Variants in CDH4 observed in about 807,000 individuals in gnomAD.
CDH4 encodes cadherin-4.
CDH4 carries 33 observed loss-of-function variants against 86.0 expected under a neutral mutation model. The ratio of observed to expected loss-of-function variants is 0.38; its 90% CI spans 0.29 to 0.51. CDH4 has a LOEUF of 0.51. Ranked by LOEUF, CDH4 falls within the 20% of genes least tolerant of loss-of-function variation. The pLI is 0.86. For synonymous variants in CDH4, 555 were observed against 549.4 expected (o/e 1.01, Z -0.14); for missense variants, 1,114 against 1,307.4 (o/e 0.85, Z 2.28).
Position 61,902,531 on chromosome 20 carries a change from C to T in CDH4, c.1188+7484C>T, listed in dbSNP as rs36106562. Among the ~76,000 whole-genome samples the T allele has an allele frequency of 0.037, 5,688 of 152,356 alleles. 147 individuals are homozygous for T. The highest frequency in any genetic ancestry group is 0.062 in the Non-Finnish European group (4,185 of 68,036). ...GGCCGTTGACACAGGGACAGGCACA[C>T]CTTTTCTTGAATGGTCTGGAGAGTA... On this transcript the variant is annotated intron_variant, in intron 8 of 15. Transcript: ENST00000614565. The surrounding 1 kb of genome is among the most constrained non-coding windows in gnomAD (Gnocchi z 4.6).
chr20:61,571,100 C>A (rs993246624), intron 2 of CDH4, among the ~76,000 whole-genome samples: 1 of 152,164 alleles, frequency 6.6e-6, no homozygotes, highest in East Asian at 1.9e-4. Context: ...GTTTCTCCCC[C>A]ACATCCTCGG....
chr20:61,797,370 C>T (rs1052643784), intron 4 of CDH4, among the ~76,000 whole-genome samples: 2 of 152,148 alleles, frequency 1.3e-5, no homozygotes, highest in Non-Finnish European at 2.9e-5. Flanking sequence ...AACTGCACAG[C>T]GGGGAGGTAA....
At chr20:61,396,091 G>A (rs563310140) in intron 2 of CDH4, among the ~76,000 whole-genome samples, 18 of 152,264 alleles carry the variant, frequency 1.2e-4, no homozygotes, top group South Asian at 4.1e-4. Flanking sequence ...CCCATCCGTC[G>A]TGCCGTCTTT....
chr20:61,302,085 C>G (rs2084389053), intron 2 of CDH4, among the ~76,000 whole-genome samples: 1 of 152,224 alleles, frequency 6.6e-6, no homozygotes, highest in Non-Finnish European at 1.5e-5. Context: ...ATTTGCAAGT[C>G]AGATCCGACT....
intron 3 of CDH4, among the ~76,000 whole-genome samples, chr20:61,750,952 AAAATT>A (rs1430820535): frequency 6.6e-6 from 1 of 152,252 alleles, no homozygotes; most frequent in African/African-American, 2.4e-5. Flanking sequence ...TTTGTTGAGA[AAAATT>A]AAAGAACTAT....
chr20:61,558,725 C>T (rs1004856607), intron 2 of CDH4, among the ~76,000 whole-genome samples: 4 of 152,234 alleles, frequency 2.6e-5, no homozygotes, highest in Non-Finnish European at 5.9e-5. Flanking sequence ...CCGTCTTTGC[C>T]CACTACCCTC....
chr20:61,897,892 C>T (rs894542335), intron 8 of CDH4, among the ~76,000 whole-genome samples: 3 of 152,206 alleles, frequency 2.0e-5, no homozygotes, highest in Non-Finnish European at 1.5e-5. Context: ...TGCGGCACCT[C>T]CCAGTCTAAC....
chr20:61,295,114 G>A (rs555491708), intron 2 of CDH4, among the ~76,000 whole-genome samples: 19 of 152,326 alleles, frequency 1.2e-4, no homozygotes, highest in African/African-American at 3.8e-4. Context: ...AGAATGTGGC[G>A]TAATTATAAA....
chr20:61,583,047 G>C (rs983513076), intron 2 of CDH4, among the ~76,000 whole-genome samples: 13 of 151,600 alleles, frequency 8.6e-5, no homozygotes, highest in African/African-American at 2.9e-4. Context: ...TCCTACTCTT[G>C]GTTTTCCAGA....
rs78550497 is a variant in CDH4, at chr20:61,277,010, G to A, written c.169+22073G>A. ...ACCATTCCAGGCCCTCCATGCAGTG[G>A]TCCCCAGGCCTCTGTCCCTTTTTCC... is the stretch of plus-strand genomic sequence containing the variant. On this transcript the variant is annotated intron_variant, in intron 2 of 15. Coordinates refer to ENST00000614565, the MANE Select transcript of CDH4 (RefSeq NM_001794.5). Among the ~76,000 whole-genome samples, 875 of 152,278 alleles carry A rather than the reference G, an allele frequency of 5.7e-3. 5 individuals carry two copies. The highest frequency in any genetic ancestry group is 0.018 in the African/African-American group (755 of 41,552).
At chr20:61,866,761 A>T (rs1211024792) in intron 6 of CDH4, among the ~76,000 whole-genome samples, 1 of 152,092 alleles carries the variant, frequency 6.6e-6, no homozygotes, top group African/African-American at 2.4e-5. Flanking sequence ...AGTGTGTTTT[A>T]TTTCTGCATC....
intron 2 of CDH4, among the ~76,000 whole-genome samples, chr20:61,741,401 C>T (rs2145939886): frequency 6.6e-6 from 1 of 152,328 alleles, no homozygotes; most frequent in South Asian, 2.1e-4. Context: ...GACGCCACCG[C>T]TGTTTCCTGC....
chr20:61,845,782 G>A (rs1353933215), intron 5 of CDH4, among the ~76,000 whole-genome samples: 1 of 152,254 alleles, frequency 6.6e-6, no homozygotes, highest in African/African-American at 2.4e-5. Flanking sequence ...AACAACCATG[G>A]AAGACTTGGC....
chr20:61,924,680 C>T (rs1469609101), intron 11 of CDH4, among the ~76,000 whole-genome samples: 7 of 152,106 alleles, frequency 4.6e-5, no homozygotes, highest in African/African-American at 1.2e-4. Flanking sequence ...GCTCCCCCTC[C>T]ACCCACTCCC....
chr20:61,801,708 C>T (rs1301881345), intron 4 of CDH4, among the ~76,000 whole-genome samples: 7 of 152,216 alleles, frequency 4.6e-5, no homozygotes, highest in Non-Finnish European at 1.0e-4. Context: ...TGGCTCCTGG[C>T]CCCTTGCTCT....
chr20:61,423,724 T>C (rs941714836), intron 2 of CDH4, among the ~76,000 whole-genome samples: 1 of 152,172 alleles, frequency 6.6e-6, no homozygotes, highest in African/African-American at 2.4e-5. Context: ...CTTTGATTTC[T>C]GCATCATTAA....
intron 6 of CDH4, among the ~76,000 whole-genome samples, chr20:61,870,477 C>T (rs1433243552): frequency 6.6e-6 from 1 of 152,142 alleles, no homozygotes; most frequent in African/African-American, 2.4e-5. Flanking sequence ...GTGCCCGATC[C>T]CTTCTTCCCT....
intron 2 of CDH4, among the ~76,000 whole-genome samples, chr20:61,588,882 C>G (rs1452998664): frequency 6.6e-6 from 1 of 152,200 alleles, no homozygotes; most frequent in Non-Finnish European, 1.5e-5. Context: ...TTGTAAGCCT[C>G]GAGGGCTGAG....
chr20:61,419,787 C>G (rs188083096), intron 2 of CDH4, among the ~76,000 whole-genome samples: 2 of 152,228 alleles, frequency 1.3e-5, no homozygotes, highest in Non-Finnish European at 2.9e-5. Flanking sequence ...CCTTCCACCC[C>G]GGAGAGGCCA....
Sources: gnomAD v4.1 joint callset for allele counts (sites outside exome capture counted in the v4.1 genomes callset) on GRCh38, gnomAD v4.1.1 for gene constraint, Gnocchi (gnomAD v3.1) non-coding constraint, MANE v1.5 for transcripts, NCBI Gene and HGNC (gene_info 2026-07-23, HGNC 2026-07-21) for gene names.